CACNA2D3: variants seen among roughly 807,000 people sequenced by gnomAD.
CACNA2D3 encodes calcium voltage-gated channel auxiliary subunit alpha2delta 3.
Under a neutral mutation model 160.6 loss-of-function variants are expected in CACNA2D3, and 60 were observed. That is an observed-to-expected ratio of 0.37 (90% CI 0.30 to 0.46). The LOEUF (loss-of-function observed/expected upper bound fraction) is 0.46. CACNA2D3 is among the 20% of genes least tolerant of loss of function. The probability of loss-of-function intolerance (pLI) is 1.00; values close to 1 mark genes in which losing one functional copy is unlikely to be tolerated. For synonymous variants in CACNA2D3, 558 were observed against 492.9 expected, an observed-to-expected ratio of 1.13 and a Z score of -1.75; for missense variants, 1,205 against 1,365.0, an observed-to-expected ratio of 0.88 and a Z score of 1.85.
chr3:54,761,685 A>G (rs1202985708), intron 12 of CACNA2D3, among the ~76,000 whole-genome samples: 2 of 152,152 alleles, frequency 1.3e-5, no homozygotes, highest in African/African-American at 4.8e-5. Flanking sequence ...CTCACAGCCT[A>G]TTCCTTTGGG....
At chr3:54,918,236 G>A (rs1008018323) in intron 27 of CACNA2D3, 1 of 506,508 alleles carries the variant, frequency 2.0e-6, no homozygotes, top group African/African-American at 2.0e-5. Flanking sequence ...CAGGCCCAGA[G>A]CACAAGTATC....
At chr3:54,704,973 T>G (rs1018389437) in intron 11 of CACNA2D3, among the ~76,000 whole-genome samples, 1 of 152,076 alleles carries the variant, frequency 6.6e-6, no homozygotes, top group African/African-American at 2.4e-5. Flanking sequence ...TGGGGGGCTT[T>G]CTGCATTCTC....
chr3:54,427,407 C>T (rs548449076), intron 4 of CACNA2D3, among the ~76,000 whole-genome samples: 2 of 152,148 alleles, frequency 1.3e-5, no homozygotes, highest in South Asian at 4.2e-4. Flanking sequence ...GCTTGGTGTG[C>T]ACTCCCAGTT....
chr3:54,383,540 T>C (rs775254183), intron 3 of CACNA2D3, among the ~76,000 whole-genome samples: 5 of 152,142 alleles, frequency 3.3e-5, no homozygotes, highest in Non-Finnish European at 7.4e-5. Flanking sequence ...CTAGTGAGAA[T>C]GATGGAAAAA....
At chr3:54,633,502 C>CA (rs1171345088) in intron 10 of CACNA2D3, 17 of 151,662 alleles carry the variant, frequency 1.1e-4, no homozygotes, top group African/African-American at 3.4e-4. Context: ...ATTTATTGGG[C>CA]AAAAAGGGAA....
At chr3:54,992,514 C>T (rs140755483) in intron 31 of CACNA2D3, among the ~76,000 whole-genome samples, 177 of 152,196 alleles carry the variant, frequency 1.2e-3, no homozygotes, top group Non-Finnish European at 2.0e-3. Flanking sequence ...GAGCTCCTGG[C>T]GGTCCTCTCT....
rs1278109775 is a variant in CACNA2D3 at position 54,885,495 on chromosome 3, C to T, written c.1965C>T (p.Tyr655=). Reference sequence around the variant, plus strand: ...GGCCATGTCATGTTCTTAGGTCCTACTGCAACACTGACCTACACCCTGAGC... The same window carrying T: ...GGCCATGTCATGTTCTTAGGTCCTATTGCAACACTGACCTACACCCTGAGC... The part of the protein sequence containing the change: ...PDVSLADEWS[Y]CNTDLHPEHR... The change falls in exon 23 of 38, where the codon TAC becomes TAT. Residue 655 remains tyrosine (Y), a synonymous_variant. Coordinates refer to ENST00000474759, the MANE Select transcript of CACNA2D3 (RefSeq NM_018398.3). The T allele has an allele frequency of 6.2e-7, 1 of 1,613,124 alleles. No individual in the cohort carries two copies. The highest frequency in any genetic ancestry group is 8.5e-7 in the Non-Finnish European group (1 of 1,179,334).
intron 2 of CACNA2D3, among the ~76,000 whole-genome samples, chr3:54,194,062 G>T (rs1701028183): frequency 6.6e-6 from 1 of 152,172 alleles, no homozygotes; most frequent in Admixed American, 6.5e-5. Flanking sequence ...GTAGATACGA[G>T]GGGGCGGGAA....
chr3:54,848,611 A>G (rs562295924), intron 17 of CACNA2D3, among the ~76,000 whole-genome samples: 143 of 152,360 alleles, frequency 9.4e-4, no homozygotes, highest in East Asian at 3.9e-3. Flanking sequence ...TAAGCATTAC[A>G]TGAATTAACC....
rs571604219 is a variant in CACNA2D3 at position 54,795,119 on chromosome 3, T to G, written c.1381-21734T>G. On this transcript the variant is annotated intron_variant, in intron 13 of 37. Coordinates refer to ENST00000474759, the MANE Select transcript of CACNA2D3 (RefSeq NM_018398.3). Reference sequence around the variant, plus strand: ...TGTGTGCTTCATTTCTTATTGTTTCTATTGCTGTGTCTTCAGGCCGATTAC... The same window carrying G: ...TGTGTGCTTCATTTCTTATTGTTTCGATTGCTGTGTCTTCAGGCCGATTAC... Among the ~76,000 whole-genome samples, 14 of 152,326 alleles carry G rather than the reference T, an allele frequency of 9.2e-5. 1 individual carries two copies. In the South Asian group the frequency reaches 2.9e-3, roughly 32 times the overall value.
chr3:54,296,912 G>A (rs1703354204), intron 2 of CACNA2D3, among the ~76,000 whole-genome samples: 1 of 152,152 alleles, frequency 6.6e-6, no homozygotes, highest in African/African-American at 2.4e-5. Flanking sequence ...GGCAGAGCTG[G>A]GCTTGTGTCT....
chr3:54,265,324 T>C (rs1702479457), intron 2 of CACNA2D3, among the ~76,000 whole-genome samples: 1 of 151,864 alleles, frequency 6.6e-6, no homozygotes, highest in African/African-American at 2.4e-5. Context: ...CACTCATAAG[T>C]GGGAGTTGAA....
At chr3:54,565,286 C>T (rs145382793) in intron 6 of CACNA2D3, among the ~76,000 whole-genome samples, 4 of 152,236 alleles carry the variant, frequency 2.6e-5, no homozygotes, top group Non-Finnish European at 4.4e-5. Context: ...TGGTACAGTG[C>T]GTTTCATGCT....
At chr3:55,060,341 T>A (rs562045317) in intron 35 of CACNA2D3, among the ~76,000 whole-genome samples, 1 of 152,110 alleles carries the variant, frequency 6.6e-6, no homozygotes, top group South Asian at 2.1e-4. Context: ...TGGTAGACGA[T>A]GTTGGTGGTG....
intron 2 of CACNA2D3, among the ~76,000 whole-genome samples, chr3:54,149,210 C>T (rs144868607): frequency 2.6e-4 from 40 of 151,810 alleles, no homozygotes; most frequent in African/African-American, 8.0e-4. Context: ...ACCTGTGGCC[C>T]GACCCCTTTC....
intron 3 of CACNA2D3, among the ~76,000 whole-genome samples, chr3:54,369,573 AC>A (rs1355817061): frequency 2.6e-5 from 4 of 152,100 alleles, no homozygotes; most frequent in Non-Finnish European, 4.4e-5. Flanking sequence ...CAGCCCTTAG[AC>A]TGATGGTCCA....
intron 11 of CACNA2D3, among the ~76,000 whole-genome samples, chr3:54,647,889 C>T (rs975018703): frequency 6.6e-6 from 1 of 152,158 alleles, no homozygotes; most frequent in Non-Finnish European, 1.5e-5. Context: ...ATGCCATTTA[C>T]TTTTGCCTAA....
At chr3:54,322,898 T>C (rs1488765506) in intron 3 of CACNA2D3, among the ~76,000 whole-genome samples, 1 of 152,192 alleles carries the variant, frequency 6.6e-6, no homozygotes, top group African/African-American at 2.4e-5. Context: ...TAAATTGAAA[T>C]ATTCCCAGAA....
At chr3:54,350,964 G>A (rs1252660823) in intron 3 of CACNA2D3, among the ~76,000 whole-genome samples, 3 of 95,844 alleles carry the variant, frequency 3.1e-5, no homozygotes, top group East Asian at 5.5e-4. Flanking sequence ...GAGATCTTGA[G>A]TCTGTTTTTT....
Sources: gnomAD v4.1 joint callset for allele counts (sites outside exome capture counted in the v4.1 genomes callset) on GRCh38, gnomAD v4.1.1 for gene constraint, MANE v1.5 for transcripts, NCBI Gene and HGNC (gene_info 2026-07-23, HGNC 2026-07-21) for gene names.